Variants in ARFGEF1 observed in about 807,000 individuals in gnomAD.
The protein encoded by ARFGEF1 is brefeldin A-inhibited guanine nucleotide-exchange protein 1.
Under a neutral mutation model 231.0 loss-of-function variants are expected in ARFGEF1, and 42 were observed. That is an observed-to-expected ratio of 0.18 (90% CI 0.14 to 0.24). ARFGEF1 has a LOEUF of 0.24. ARFGEF1 is among the 10% of genes least tolerant of loss of function. The pLI, the probability that ARFGEF1 is intolerant of heterozygous loss-of-function variation, is 1.00. For synonymous variants in ARFGEF1, 710 were observed against 732.3 expected (o/e 0.97, Z 0.49); for missense variants, 1,345 against 2,192.0 (o/e 0.61, Z 7.72).
intron 5 of ARFGEF1, 77 bp downstream of exon 5, chr8:67,296,354 T>A: frequency 7.7e-7 from 1 of 1,300,756 alleles, no homozygotes; most frequent in Non-Finnish European, 1.1e-6. Context: ...AAGATTTCAC[T>A]CTAATTACTG....
At chr8:67,268,897 C>T (rs1033834196) in intron 10 of ARFGEF1, among the ~76,000 whole-genome samples, 8 of 152,008 alleles carry the variant, frequency 5.3e-5, no homozygotes, top group African/African-American at 1.9e-4. Flanking sequence ...CATGAAAAGT[C>T]AGACTTGTGA....
chr8:67,312,054 G>A (rs166773), intron 1 of ARFGEF1, among the ~76,000 whole-genome samples: 4 of 151,974 alleles, frequency 2.6e-5, no homozygotes, highest in African/African-American at 7.3e-5. Context: ...CTCGGTAAGA[G>A]TCATCACCAC....
At chr8:67,188,604 A>G (rs1280885410) in intron 5 of ARFGEF1, among the ~76,000 whole-genome samples, 2 of 152,140 alleles carry the variant, frequency 1.3e-5, no homozygotes, top group Non-Finnish European at 2.9e-5. Context: ...TTGGAACTGC[A>G]TGCTCTTCTG....
chr8:67,337,880 T>A (rs1239729498), intron 1 of ARFGEF1, among the ~76,000 whole-genome samples: 1 of 152,236 alleles, frequency 6.6e-6, no homozygotes, highest in East Asian at 1.9e-4. Flanking sequence ...GGTTCACTGC[T>A]GTATACCCAG....
At chr8:67,175,292 C>T (rs1339349454), downstream of ARFGEF1, 4 of 1,600,324 alleles carry the variant, frequency 2.5e-6, no homozygotes, top group South Asian at 2.2e-5. Flanking sequence ...ATTTTTTATA[C>T]CAGATTCAGA....
At chr8:67,226,304 C>A in intron 27 of ARFGEF1, 121 bp from the exon 28 acceptor site, 1 of 904,746 alleles carries the variant, frequency 1.1e-6, no homozygotes, top group Non-Finnish European at 1.6e-6. Flanking sequence ...TTCTGACATC[C>A]AACAGATACG....
chr8:67,334,492 A>G (rs1488200468), intron 1 of ARFGEF1, among the ~76,000 whole-genome samples: 1 of 152,190 alleles, frequency 6.6e-6, no homozygotes, highest in East Asian at 1.9e-4. Flanking sequence ...GCTGGTGGGT[A>G]TGTAGGCTGG....
chr8:67,201,706 G>C (rs1000484180), intron 36 of ARFGEF1, 101 bp from the exon 37 acceptor site: 64 of 1,480,834 alleles, frequency 4.3e-5, no homozygotes, highest in Admixed American at 2.0e-5. Flanking sequence ...TCAGCCATCA[G>C]CATCTGCTGC....
At chr8:67,318,034 G>A (rs187205192) in intron 1 of ARFGEF1, among the ~76,000 whole-genome samples, 346 of 151,614 alleles carry the variant, frequency 2.3e-3, no homozygotes, top group African/African-American at 8.0e-3. Context: ...TCAGGAGATC[G>A]AGACCATCCT....
intron 1 of ARFGEF1, among the ~76,000 whole-genome samples, chr8:67,305,782 G>A (rs779772493): frequency 6.6e-6 from 1 of 152,184 alleles, no homozygotes; most frequent in South Asian, 2.1e-4. Context: ...CTTATCTGCA[G>A]GGGATATATT....
intron 1 of ARFGEF1, among the ~76,000 whole-genome samples, chr8:67,339,650 G>A (rs1808510057): frequency 6.6e-6 from 1 of 151,568 alleles, no homozygotes; most frequent in African/African-American, 2.4e-5. Context: ...CTCGAGAGCA[G>A]GAATGGATCA....
chr8:67,227,016 G>A, intron 27 of ARFGEF1, 121 bp downstream of exon 27: 2 of 870,840 alleles, frequency 2.3e-6, no homozygotes, highest in African/African-American at 1.7e-5. Flanking sequence ...CTCTGGTTCT[G>A]TAGACAAAGC....
At chr8:67,313,341 C>T (rs191975171) in intron 1 of ARFGEF1, among the ~76,000 whole-genome samples, 308 of 152,220 alleles carry the variant, frequency 2.0e-3, no homozygotes, top group African/African-American at 6.9e-3. Context: ...GTGATTTTTG[C>T]GGGATGCTGA....
At chr8:67,210,435 C>T (rs1048742816) in intron 34 of ARFGEF1, among the ~76,000 whole-genome samples, 3 of 150,818 alleles carry the variant, frequency 2.0e-5, no homozygotes, top group Admixed American at 6.6e-5. Flanking sequence ...GCCGAGATCA[C>T]ACTCCAGCCT....
rs1195935444 is a variant in ARFGEF1, at chr8:67,269,826, CAAG to C, written c.1572+1873_1572+1875del. 2.6e-5 allele frequency among the ~76,000 whole-genome samples: 4 copies of C among 152,176 alleles called. No homozygotes were observed. The East Asian group carries it at 7.7e-4, about 29-fold the overall frequency. ...TGAGAATCTGACATCTACAAATTGACAAGAAATTTCTTAAAGTTTTTCCTTTCA... is the reference window on the plus strand; with the variant it reads ...TGAGAATCTGACATCTACAAATTGACAAATTTCTTAAAGTTTTTCCTTTCA... On this transcript the variant is annotated intron_variant, in intron 10 of 38. Coordinates refer to ENST00000262215, the MANE Select transcript of ARFGEF1 (RefSeq NM_006421.5).
At chr8:67,264,758 A>G (rs1804780155) in intron 14 of ARFGEF1, among the ~76,000 whole-genome samples, 1 of 152,116 alleles carries the variant, frequency 6.6e-6, no homozygotes, top group African/African-American at 2.4e-5. Flanking sequence ...GGACTGGGAG[A>G]CTTCCACTTC....
intron 5 of ARFGEF1, among the ~76,000 whole-genome samples, chr8:67,177,400 G>A (rs1459277093): frequency 1.3e-5 from 2 of 152,136 alleles, no homozygotes; most frequent in South Asian, 2.1e-4. Flanking sequence ...GATGGTGAAG[G>A]ATCCTGCATT....
intron 5 of ARFGEF1, among the ~76,000 whole-genome samples, chr8:67,292,899 C>T (rs1806071741): frequency 6.6e-6 from 1 of 151,964 alleles, no homozygotes; most frequent in Non-Finnish European, 1.5e-5. Flanking sequence ...TAAATATGAA[C>T]ATTTCATATT....
chr8:67,204,540 G>A (rs1411530581), intron 35 of ARFGEF1, 140 bp downstream of exon 35: 1 of 1,024,804 alleles, frequency 9.8e-7, no homozygotes, highest in African/African-American at 1.6e-5. Flanking sequence ...CTTGTGATGG[G>A]ATCCAGTCTC....
Sources: allele counts gnomAD v4.1 joint callset (sites outside exome capture counted in the v4.1 genomes callset), GRCh38; gene constraint gnomAD v4.1.1; transcripts MANE v1.5; gene names NCBI Gene and HGNC (gene_info 2026-07-23, HGNC 2026-07-21).